Variants in GALNTL6 observed in about 807,000 individuals in gnomAD.
GALNTL6 encodes polypeptide N-acetylgalactosaminyltransferase like 6, also known as polypeptide N-acetylgalactosaminyltransferase-like 6.
A neutral mutation model predicts 73.7 loss-of-function variants in GALNTL6; 46 were observed. That is an observed-to-expected ratio of 0.62 (90% confidence interval 0.49 to 0.80). The LOEUF is 0.80. Ranked by LOEUF, GALNTL6 falls within the 30% of genes least tolerant of loss-of-function variation. The probability of loss-of-function intolerance (pLI) is 0.00; values close to 1 mark genes in which losing one functional copy is unlikely to be tolerated. For synonymous variants in GALNTL6, 259 were observed against 263.7 expected (o/e 0.98, Z 0.17); for missense variants, 604 against 755.0 (o/e 0.80, Z 2.34).
At position 172,546,798 on chromosome 4, in the gene GALNTL6, G is replaced by GCA. The variant is rs375071581; in HGVS notation, c.553+198109_553+198110insCA. On this transcript the variant is annotated intron_variant, in intron 5 of 12. Transcript: ENST00000506823. ...TCAACTCCGCTTTATATATATATACGTATATATACGTATATATATACGTAT... is the reference window on the plus strand; with the variant it reads ...TCAACTCCGCTTTATATATATATACGCATATATATACGTATATATATACGTAT... 1.7e-3 allele frequency among the ~76,000 whole-genome samples: 27 copies of GCA among 15,492 alleles called. 1 individual carries two copies. The highest frequency in any genetic ancestry group is 4.0e-3 in the South Asian group (2 of 498). 10.2% of individuals were successfully genotyped at this position (15,492 alleles called of 152,430 possible). A position where few individuals can be genotyped will look rare whatever the true frequency, so the allele number is the denominator to read the frequency against.
At chr4:172,521,163 T>C (rs1734762332) in intron 5 of GALNTL6, among the ~76,000 whole-genome samples, 1 of 152,122 alleles carries the variant, frequency 6.6e-6, no homozygotes, top group Admixed American at 6.6e-5. Context: ...GACTGGAGTA[T>C]AAATAGGTTG....
intron 5 of GALNTL6, among the ~76,000 whole-genome samples, chr4:172,488,193 G>A (rs1240751548): frequency 6.6e-6 from 1 of 152,138 alleles, no homozygotes; most frequent in Non-Finnish European, 1.5e-5. Context: ...ATTGTGCCTT[G>A]TTACAGACTT....
At chr4:172,516,064 A>T (rs1252239078) in intron 5 of GALNTL6, among the ~76,000 whole-genome samples, 1 of 152,160 alleles carries the variant, frequency 6.6e-6, no homozygotes, top group Non-Finnish European at 1.5e-5. Flanking sequence ...TGTTTAAATC[A>T]CTTTCAAGTA....
At chr4:172,773,621 A>AT (rs11382531) in intron 5 of GALNTL6, among the ~76,000 whole-genome samples, 77,909 of 150,544 alleles carry the variant, frequency 0.52, 21,030 homozygotes, top group East Asian at 0.78. Context: ...ACCCACTTCC[A>AT]TTTTTTGTGC....
At chr4:172,724,701 G>T (rs1735690282) in intron 5 of GALNTL6, among the ~76,000 whole-genome samples, 1 of 152,158 alleles carries the variant, frequency 6.6e-6, no homozygotes, top group Non-Finnish European at 1.5e-5. Context: ...TATTGAAGTG[G>T]TTAGCCAAGT....
chr4:172,470,916 C>T (rs1368050436), intron 5 of GALNTL6, among the ~76,000 whole-genome samples: 2 of 152,164 alleles, frequency 1.3e-5, no homozygotes, highest in Non-Finnish European at 2.9e-5. Context: ...TCCTCAAGTC[C>T]ATCCCCCCAA....
chr4:172,001,047 A>C (rs904120419), intron 2 of GALNTL6, among the ~76,000 whole-genome samples: 1 of 152,184 alleles, frequency 6.6e-6, no homozygotes, highest in African/African-American at 2.4e-5. Context: ...TAGCAATAGC[A>C]GTGGTGAGAA....
At chr4:172,248,389 A>G (rs561030015) in intron 3 of GALNTL6, among the ~76,000 whole-genome samples, 3 of 152,244 alleles carry the variant, frequency 2.0e-5, no homozygotes, top group African/African-American at 4.8e-5. Context: ...GAATGTTTCT[A>G]CTGCTTCTGT....
At chr4:172,690,649 A>G (rs969970360) in intron 5 of GALNTL6, among the ~76,000 whole-genome samples, 1 of 152,210 alleles carries the variant, frequency 6.6e-6, no homozygotes, top group Non-Finnish European at 1.5e-5. Flanking sequence ...ATAGTGGATT[A>G]CTCTCATGTA....
intron 5 of GALNTL6, among the ~76,000 whole-genome samples, chr4:172,786,130 A>C (rs1739640865): frequency 6.6e-6 from 1 of 152,214 alleles, no homozygotes; most frequent in African/African-American, 2.4e-5. Context: ...CTAATGAAAA[A>C]AAAAAAAGTA....
At chr4:172,541,347 G>T (rs1735544159) in intron 5 of GALNTL6, among the ~76,000 whole-genome samples, 1 of 152,126 alleles carries the variant, frequency 6.6e-6, no homozygotes, top group African/African-American at 2.4e-5. Flanking sequence ...CAAAAAGGGA[G>T]GGAGTATAAC....
chr4:171,907,772 G>T (rs577190743), intron 2 of GALNTL6, among the ~76,000 whole-genome samples: 9 of 151,322 alleles, frequency 5.9e-5, no homozygotes, highest in Admixed American at 5.9e-4. Flanking sequence ...AACCAAAACA[G>T]CATGGTACTG....
chr4:172,373,305 T>G (rs1225753920), intron 5 of GALNTL6, among the ~76,000 whole-genome samples: 1 of 152,200 alleles, frequency 6.6e-6, no homozygotes, highest in Non-Finnish European at 1.5e-5. Context: ...CAGTGAATCA[T>G]TCTGCTTCCT....
chr4:171,961,808 C>T (rs1430559601), intron 2 of GALNTL6, among the ~76,000 whole-genome samples: 1 of 152,174 alleles, frequency 6.6e-6, no homozygotes, highest in Non-Finnish European at 1.5e-5. Context: ...ATTGTGAGCA[C>T]ATATTGGAAC....
chr4:172,293,354 C>T (rs540504598), intron 3 of GALNTL6, among the ~76,000 whole-genome samples: 142 of 152,150 alleles, frequency 9.3e-4, no homozygotes, highest in South Asian at 4.6e-3. Flanking sequence ...TCTTATAAGG[C>T]ATTTGTGGTC....
chr4:172,563,110 GTAAT>G (rs1736435008), intron 5 of GALNTL6, among the ~76,000 whole-genome samples: 1 of 152,182 alleles, frequency 6.6e-6, no homozygotes. Flanking sequence ...AATAAAAAGT[GTAAT>G]TAGAGTATAC....
rs544709937 is a variant in GALNTL6, at chr4:172,710,575, AT to A, written c.554-98785del. Among the ~76,000 whole-genome samples the A allele has an allele frequency of 4.3e-3, 661 of 152,302 alleles. 2 individuals are homozygous for A. The highest frequency in any genetic ancestry group is 7.0e-3 in the Non-Finnish European group (477 of 68,006). ...TATTTTAACTCGATCAGTTAAAATT[AT>A]CCAACTATGTCTTGCTGTTTTGATT... On this transcript the variant is annotated intron_variant, in intron 5 of 12. Transcript: ENST00000506823.
intron 5 of GALNTL6, among the ~76,000 whole-genome samples, chr4:172,686,977 A>G (rs534440182): frequency 1.3e-5 from 2 of 152,324 alleles, no homozygotes; most frequent in African/African-American, 4.8e-5. Context: ...TGATGCAGGT[A>G]ACATCACAAT....
chr4:172,963,238 T>C (rs1579715591), intron 10 of GALNTL6, among the ~76,000 whole-genome samples: 1 of 152,110 alleles, frequency 6.6e-6, no homozygotes, highest in Non-Finnish European at 1.5e-5. Flanking sequence ...GCTCCCGCCC[T>C]TACTTCCTTC....
Sources: gnomAD v4.1 joint callset for allele counts (sites outside exome capture counted in the v4.1 genomes callset) on GRCh38, gnomAD v4.1.1 for gene constraint, MANE v1.5 for transcripts, NCBI Gene and HGNC (gene_info 2026-07-23, HGNC 2026-07-21) for gene names.